WWOX: variants seen among roughly 807,000 people sequenced by gnomAD.
WWOX encodes the protein WW domain-containing oxidoreductase.
A neutral mutation model predicts 46.2 loss-of-function variants in WWOX; 69 were observed. The observed-to-expected ratio is 1.49, with a 90% CI of 1.23 to 1.82. WWOX has a LOEUF of 1.82. Ranked by LOEUF, WWOX falls within the 40% of genes most tolerant of loss-of-function variation. The pLI, the probability that WWOX is intolerant of heterozygous loss-of-function variation, is 0.00. For missense variants in WWOX, 919 were observed against 542.6 expected (o/e 1.69, Z -6.89); for synonymous variants, 359 against 202.6 (o/e 1.77, Z -6.56).
At chr16:78,243,034 A>C (rs2037707829) in intron 5 of WWOX, among the ~76,000 whole-genome samples, 1 of 151,672 alleles carries the variant, frequency 6.6e-6, no homozygotes, top group Non-Finnish European at 1.5e-5. Flanking sequence ...AAAAAGAGAC[A>C]TGTGAGCCTT....
At chr16:79,148,112 A>T (rs996261169) in intron 8 of WWOX, among the ~76,000 whole-genome samples, 2 of 152,144 alleles carry the variant, frequency 1.3e-5, no homozygotes, top group African/African-American at 4.8e-5. Context: ...CCTTTCATCA[A>T]CTGAGCTTTT....
intron 5 of WWOX, among the ~76,000 whole-genome samples, chr16:78,196,087 C>G (rs2036042245): frequency 6.6e-6 from 1 of 152,112 alleles, no homozygotes; most frequent in African/African-American, 2.4e-5. Flanking sequence ...TTACTGAGAG[C>G]ACTTTTCTGC....
At chr16:79,164,810 G>T (rs1304691207) in intron 8 of WWOX, among the ~76,000 whole-genome samples, 1 of 152,068 alleles carries the variant, frequency 6.6e-6, no homozygotes, top group Non-Finnish European at 1.5e-5. Context: ...GGGATTCAGG[G>T]CCCTTTGTCA....
In WWOX at chr16:78,924,445, C is replaced by A. The variant is rs1013296604; in HGVS notation, c.1057-287163C>A. Among the ~76,000 whole-genome samples the A allele has an allele frequency of 2.6e-5, 4 of 152,136 alleles. No individual in the cohort carries two copies. The East Asian group carries it at 7.7e-4, about 29-fold the overall frequency. Reference sequence around the variant, plus strand: ...AATGGCAGAATGGAAAGAATCCCAGCTTTGGAGTTAAAATATCTCACTTAA... The same window carrying A: ...AATGGCAGAATGGAAAGAATCCCAGATTTGGAGTTAAAATATCTCACTTAA... On this transcript the variant is annotated intron_variant, in intron 8 of 8. Transcript: ENST00000566780.
rs535107924 is a variant in WWOX at position 78,244,635 on chromosome 16, G to A, written c.516+80346G>A. On this transcript the variant is annotated intron_variant, in intron 5 of 8. Coordinates refer to ENST00000566780, the MANE Select transcript of WWOX (RefSeq NM_016373.4). ...GATTAAGTGCAGTGATCAATCAGCA[G>A]CAAAGTCCTGGAAGAAACCCATTTG... Among the ~76,000 whole-genome samples the A allele has an allele frequency of 1.1e-4, 16 of 152,312 alleles. No homozygotes were observed. In the South Asian group the frequency reaches 2.7e-3, roughly 26 times the overall value.
At chr16:78,247,141 T>A (rs1477065434) in intron 5 of WWOX, among the ~76,000 whole-genome samples, 1 of 152,006 alleles carries the variant, frequency 6.6e-6, no homozygotes, top group Non-Finnish European at 1.5e-5. Flanking sequence ...TTTTCAGCCC[T>A]TCAGAGAATA....
At chr16:78,849,309 G>A (rs1362850320) in intron 8 of WWOX, among the ~76,000 whole-genome samples, 1 of 152,134 alleles carries the variant, frequency 6.6e-6, no homozygotes, top group African/African-American at 2.4e-5. Flanking sequence ...GGTGGCTCAT[G>A]CCTGTAATCC....
intron 8 of WWOX, among the ~76,000 whole-genome samples, chr16:79,097,289 C>T (rs1488828072): frequency 6.6e-6 from 1 of 151,642 alleles, no homozygotes; most frequent in South Asian, 2.1e-4. Context: ...GGCATTTATT[C>T]AAGATCCGAG....
At chr16:79,092,635 C>T (rs1295307895) in intron 8 of WWOX, among the ~76,000 whole-genome samples, 1 of 152,092 alleles carries the variant, frequency 6.6e-6, no homozygotes, top group African/African-American at 2.4e-5. Context: ...CCCCTTTTTC[C>T]AGTAAAAGTC....
In WWOX at chr16:78,990,110, G is replaced by A. The variant is rs770159953; in HGVS notation, c.1057-221498G>A. 5.2e-4 allele frequency among the ~76,000 whole-genome samples: 79 copies of A among 151,352 alleles called. 1 individual carries two copies. Among genetic ancestry groups the A allele is most frequent in the Non-Finnish European group, 9.0e-4 (61 of 67,924 alleles). On this transcript the variant is annotated intron_variant, in intron 8 of 8. Coordinates refer to ENST00000566780, the MANE Select transcript of WWOX (RefSeq NM_016373.4). ...GAAGTGGGAGGATCTTTAGAGCCCA[G>A]GAAGTCTAGGCTGCAGTGAGCCATG... is the stretch of plus-strand genomic sequence containing the variant.
chr16:78,917,270 G>C (rs2045273820), intron 8 of WWOX, among the ~76,000 whole-genome samples: 1 of 152,150 alleles, frequency 6.6e-6, no homozygotes, highest in African/African-American at 2.4e-5. Context: ...CAGGAGGCGT[G>C]GTTCCCCTAA....
intron 8 of WWOX, among the ~76,000 whole-genome samples, chr16:79,210,730 CA>C (rs1015843465): frequency 1.2e-4 from 18 of 152,098 alleles, no homozygotes; most frequent in African/African-American, 4.3e-4. Context: ...GCTTGCAAAG[CA>C]AAGTGATTTC....
chr16:78,893,234 G>A lies in WWOX; in HGVS notation c.1057-318374G>A, dbSNP rs76308968. On this transcript the variant is annotated intron_variant, in intron 8 of 8. Coordinates refer to ENST00000566780, the MANE Select transcript of WWOX (RefSeq NM_016373.4). Reference sequence around the variant, plus strand: ...GGGATGCCCCTCTTGACCATCTTATGCCTGAAATAAGGGAAGACATTCTTC... The same window carrying A: ...GGGATGCCCCTCTTGACCATCTTATACCTGAAATAAGGGAAGACATTCTTC... Among the ~76,000 whole-genome samples, 1,123 of 151,522 alleles carry A rather than the reference G, an allele frequency of 7.4e-3. 15 individuals carry two copies. The highest frequency in any genetic ancestry group is 0.025 in the African/African-American group (1,045 of 41,344).
At chr16:79,137,475 T>G (rs574243679) in intron 8 of WWOX, among the ~76,000 whole-genome samples, 1 of 152,208 alleles carries the variant, frequency 6.6e-6, no homozygotes, top group Non-Finnish European at 1.5e-5. Context: ...AAGTTTAGGA[T>G]TCTCTTCAGG....
At chr16:78,742,249 C>A (rs540199196) in intron 8 of WWOX, among the ~76,000 whole-genome samples, 4 of 152,252 alleles carry the variant, frequency 2.6e-5, no homozygotes, top group South Asian at 2.1e-4. Flanking sequence ...TGATAATAGT[C>A]CATGATCAAG....
intron 8 of WWOX, among the ~76,000 whole-genome samples, chr16:79,011,499 A>ATTTATTTC (rs2047308945): frequency 7.0e-6 from 1 of 142,246 alleles, no homozygotes; most frequent in African/African-American, 2.6e-5. Flanking sequence ...TTATTTATTT[A>ATTTATTTC]TTTATTTTTT....
intron 8 of WWOX, among the ~76,000 whole-genome samples, chr16:78,942,096 G>C (rs115524518): frequency 6.6e-6 from 1 of 152,060 alleles, no homozygotes; most frequent in Admixed American, 6.6e-5. Context: ...TTCAAATTAC[G>C]TATGACTGTG....
chr16:78,747,259 T>A (rs933814877), intron 8 of WWOX, among the ~76,000 whole-genome samples: 9 of 150,412 alleles, frequency 6.0e-5, no homozygotes, highest in African/African-American at 2.2e-4. Flanking sequence ...TAGCACGATC[T>A]CGGCTCATTG....
chr16:78,995,668 A>G (rs1398004721), intron 8 of WWOX, among the ~76,000 whole-genome samples: 1 of 152,208 alleles, frequency 6.6e-6, no homozygotes, highest in Non-Finnish European at 1.5e-5. Context: ...GATTACATAT[A>G]TAGCCAGCAT....
Sources: gnomAD v4.1 joint callset for allele counts (sites outside exome capture counted in the v4.1 genomes callset) on GRCh38, gnomAD v4.1.1 for gene constraint, MANE v1.5 for transcripts, NCBI Gene and HGNC (gene_info 2026-07-23, HGNC 2026-07-21) for gene names.